Variants in CCDC69 observed in about 807,000 individuals in gnomAD.
The protein encoded by CCDC69 is coiled-coil domain containing 69, also known as coiled-coil domain-containing protein 69.
CCDC69 carries 38 observed loss-of-function variants against 40.3 expected under a neutral mutation model. The observed-to-expected ratio is 0.94, with a 90% CI of 0.73 to 1.24. The LOEUF (loss-of-function observed/expected upper bound fraction) is 1.24. Ranked by LOEUF, CCDC69 falls within the 50% of genes most tolerant of loss-of-function variation. The pLI, the probability that CCDC69 is intolerant of heterozygous loss-of-function variation, is 0.00. For synonymous variants in CCDC69, 141 were observed against 138.9 expected (o/e 1.02, Z -0.11); for missense variants, 389 against 357.9 (o/e 1.09, Z -0.70).
intron 6 of CCDC69, 50 bp downstream of exon 6, chr5:151,185,973 A>C: frequency 7.7e-7 from 1 of 1,292,692 alleles, no homozygotes; most frequent in Non-Finnish European, 1.1e-6. Flanking sequence ...CCCGGCCCTG[A>C]CCTCCCTGGA....
chr5:151,210,303 G>T (rs187147770), intron 1 of CCDC69, among the ~76,000 whole-genome samples: 76 of 152,270 alleles, frequency 5.0e-4, no homozygotes, highest in African/African-American at 1.7e-3. Flanking sequence ...TAGCACTTTG[G>T]GAGGCAGAGG....
Position 151,183,602 on chromosome 5 carries a change from T to G in CCDC69, c.726A>C (p.Glu242Asp). The G allele has an allele frequency of 1.9e-6, 3 of 1,609,648 alleles. No homozygotes were observed. Among genetic ancestry groups the G allele is most frequent in the Non-Finnish European group, 2.5e-6 (3 of 1,177,890 alleles). ...NQVVLSRQLSEDLLLTREALE... is the reference protein window; with the variant it reads ...NQVVLSRQLSDDLLLTREALE... ...GGGCCTCACGCGTGAGAAGCAGGTC[T>G]TCTGACAGCTGCCTGTGGATGCACA... Residue 242 changes from glutamate to aspartate, a missense_variant, in exon 9 of 9, where the codon GAA becomes GAC. Physicochemically the swap from Glu to Asp is conservative, Grantham distance 45 (BLOSUM62 2). Coordinates refer to ENST00000355417, the MANE Select transcript of CCDC69 (RefSeq NM_015621.3).
At chr5:151,207,793 C>T (rs909277631) in intron 1 of CCDC69, among the ~76,000 whole-genome samples, 8 of 151,164 alleles carry the variant, frequency 5.3e-5, no homozygotes, top group Admixed American at 5.3e-4. Flanking sequence ...GCGGTGGTCA[C>T]CAGACCAGGA....
At chr5:151,203,448 T>C (rs1752804030) in intron 2 of CCDC69, among the ~76,000 whole-genome samples, 1 of 150,906 alleles carries the variant, frequency 6.6e-6, no homozygotes, top group Non-Finnish European at 1.5e-5. Context: ...AGGCGGAGGT[T>C]GCAGTGAGTC....
chr5:151,203,645 C>T (rs1752807902), intron 2 of CCDC69, among the ~76,000 whole-genome samples: 1 of 135,088 alleles, frequency 7.4e-6, no homozygotes, highest in Non-Finnish European at 1.5e-5. Flanking sequence ...AAATATGCAG[C>T]TTCTGCATAT....
chr5:151,183,188 A>G lies in CCDC69; in HGVS notation c.*249T>C, dbSNP rs1005418018. ...GGGACAGAGTGCTGGGGCAGGGAGG[A>G]AATGTCTCCTCTTGCTTATTCCCTT... On this transcript the variant is annotated 3_prime_UTR_variant, in exon 9 of 9. Transcript: ENST00000355417. The G allele has an allele frequency of 7.7e-6, 5 of 651,286 alleles. No homozygotes were observed. Among genetic ancestry groups the G allele is most frequent in the Admixed American group, 2.1e-5 (1 of 48,246 alleles). 40.3% of individuals were successfully genotyped at this position (651,286 alleles called of 1,614,324 possible).
chr5:151,201,191 G>A (rs1264825319), intron 3 of CCDC69, among the ~76,000 whole-genome samples: 2 of 152,176 alleles, frequency 1.3e-5, no homozygotes, highest in South Asian at 2.1e-4. Flanking sequence ...GACCTTGAGG[G>A]TCTTGAACTG....
At chr5:151,188,989 A>G (rs1486431995) in intron 4 of CCDC69, among the ~76,000 whole-genome samples, 1 of 152,244 alleles carries the variant, frequency 6.6e-6, no homozygotes, top group Non-Finnish European at 1.5e-5. Context: ...GTATTTAGAT[A>G]TTTTAAATGT....
chr5:151,217,380 G>A (rs937609473), intron 1 of CCDC69, among the ~76,000 whole-genome samples: 14 of 152,230 alleles, frequency 9.2e-5, no homozygotes, highest in Admixed American at 8.5e-4. Context: ...GGTTCTTGCT[G>A]TCATTTTTGA....
chr5:151,201,706 A>AAACAAT lies in CCDC69; in HGVS notation c.125-19_125-18insATTGTT. ...AGTTATAGCTAGAGATGAAAAAGCA[A>AAACAAT]AAAAATAAAAATAAAAAAACTCACA... On this transcript the variant is annotated intron_variant, in intron 2 of 8. Transcript: ENST00000355417. 6.5e-7 allele frequency: 1 copy of AAACAAT among 1,536,410 alleles called. No homozygotes were observed. Among genetic ancestry groups the AAACAAT allele is most frequent in the Non-Finnish European group, 8.9e-7 (1 of 1,124,206 alleles).
rs371820517 is a variant in CCDC69 at position 151,206,112 on chromosome 5, T to C, written c.49-637A>G. 6.6e-5 allele frequency among the ~76,000 whole-genome samples: 10 copies of C among 152,336 alleles called. No homozygotes were observed. In the East Asian group the frequency reaches 1.5e-3, roughly 24 times the overall value. ...AGATGGGCTTCAAGTTGAGGTTTCC[T>C]TGACCTCCTCTTTGGGTTTGATTAA... On this transcript the variant is annotated intron_variant, in intron 1 of 8. Coordinates refer to ENST00000355417, the MANE Select transcript of CCDC69 (RefSeq NM_015621.3).
At chr5:151,184,603 A>G in intron 7 of CCDC69, 162 bp from the exon 8 acceptor site, 1 of 556,424 alleles carries the variant, frequency 1.8e-6, no homozygotes, top group Non-Finnish European at 3.2e-6. Flanking sequence ...GTAAAACTAA[A>G]AAGTTAACAA....
Position 151,182,951 on chromosome 5 carries a change from A to AGAGTC in CCDC69, c.*481_*485dup. On this transcript the variant is annotated 3_prime_UTR_variant, in exon 9 of 9. Transcript: ENST00000355417. ...TAGAATGGGACACTGCAGTGACATA[A>AGAGTC]GAGTCCTTTGACCAGTCCCCCCACC... is the stretch of plus-strand genomic sequence containing the variant. 1 of 437,470 alleles carries AGAGTC rather than the reference A, an allele frequency of 2.3e-6. No homozygotes were observed. The highest frequency in any genetic ancestry group is 4.6e-6 in the Non-Finnish European group (1 of 215,634). The allele number at this position is 437,470 out of a possible 1,614,324, so 27.1% of individuals were successfully genotyped here.
At chr5:151,215,734 A>C (rs751696885) in intron 1 of CCDC69, 17 of 313,370 alleles carry the variant, frequency 5.4e-5, no homozygotes, top group South Asian at 3.7e-4. Flanking sequence ...AGTTGCACGC[A>C]GCATGCTCCT....
At chr5:151,197,455 G>A (rs1272461043) in intron 4 of CCDC69, among the ~76,000 whole-genome samples, 8 of 152,206 alleles carry the variant, frequency 5.3e-5, no homozygotes, top group African/African-American at 1.2e-4. Context: ...CCCAAGAGGC[G>A]GAGGTTGAAG....
At chr5:151,202,745 C>T (rs1051423748) in intron 2 of CCDC69, among the ~76,000 whole-genome samples, 3 of 152,110 alleles carry the variant, frequency 2.0e-5, no homozygotes, top group Admixed American at 6.6e-5. Context: ...GCCCCTGCTT[C>T]GGGAAACTCC....
chr5:151,195,733 A>AAAC (rs1554089323), intron 4 of CCDC69, among the ~76,000 whole-genome samples: 4 of 150,250 alleles, frequency 2.7e-5, no homozygotes, highest in Admixed American at 6.6e-5. Flanking sequence ...AAAAAAAAAA[A>AAAC]AAAAAACACG....
intron 1 of CCDC69, chr5:151,212,924 TG>T: frequency 2.2e-6 from 1 of 455,956 alleles, no homozygotes; most frequent in South Asian, 1.5e-5. Context: ...GGAATCGTGG[TG>T]GAAGTGAGCG....
intron 7 of CCDC69, chr5:151,185,046 T>C (rs983561776): frequency 2.8e-4 from 44 of 157,354 alleles, no homozygotes; most frequent in East Asian, 1.1e-3. Context: ...TTAGTTTTAT[T>C]TTTTTAATTA....
Sources: gnomAD v4.1 joint callset for allele counts (sites outside exome capture counted in the v4.1 genomes callset) on GRCh38, gnomAD v4.1.1 for gene constraint, MANE v1.5 for transcripts, NCBI Gene and HGNC (gene_info 2026-07-23, HGNC 2026-07-21) for gene names.